GALNT3: variants seen among roughly 807,000 people sequenced by gnomAD.
GALNT3 encodes the protein polypeptide N-acetylgalactosaminyltransferase 3, also known as GalNAc transferase 3.
In GALNT3, 51 loss-of-function variants were observed where a neutral mutation model predicts 69.8. The observed-to-expected ratio is 0.73, with a 90% CI of 0.58 to 0.92. The LOEUF is 0.92. Ranked by LOEUF, GALNT3 falls within the 40% of genes least tolerant of loss-of-function variation. The pLI is 0.00. For synonymous variants in GALNT3, 265 were observed against 248.5 expected, an observed-to-expected ratio of 1.07 and a Z score of -0.63; for missense variants, 711 against 760.0, an observed-to-expected ratio of 0.94 and a Z score of 0.76.
intron 1 of GALNT3, among the ~76,000 whole-genome samples, chr2:165,782,479 C>T (rs1683130186): frequency 6.6e-6 from 1 of 152,056 alleles, no homozygotes; most frequent in African/African-American, 2.4e-5. Flanking sequence ...TCGCATGTGG[C>T]CCATGGGCCA....
intron 1 of GALNT3, among the ~76,000 whole-genome samples, chr2:165,780,042 G>A (rs957327427): frequency 2.6e-5 from 4 of 152,082 alleles, no homozygotes; most frequent in Non-Finnish European, 5.9e-5. Flanking sequence ...TCCCCGCAGG[G>A]GCTCAATGCT....
intron 9 of GALNT3, among the ~76,000 whole-genome samples, chr2:165,751,328 C>A (rs1378138552): frequency 2.0e-5 from 3 of 152,062 alleles, no homozygotes; most frequent in African/African-American, 7.2e-5. Context: ...TCTTGAGTTT[C>A]CCTACTCTTA....
rs1053279826 is a variant in GALNT3 at position 165,762,050 on chromosome 2, G to A, written c.693C>T (p.Tyr231=). The A allele has an allele frequency of 6.5e-7, 1 of 1,546,358 alleles. No homozygotes were observed. The highest frequency in any genetic ancestry group is 8.9e-7 in the Non-Finnish European group (1 of 1,119,304). ...CATATTCATCTAGTTTATCATGTAAGTACTCTGTAAGGAAAAAAAATCAGG... is the reference window on the plus strand; with the variant it reads ...CATATTCATCTAGTTTATCATGTAAATACTCTGTAAGGAAAAAAAATCAGG... The part of the protein sequence containing the change: ...ILVDDASVDE[Y]LHDKLDEYVK... The change falls in exon 4 of 11, where the codon TAC becomes TAT. Residue 231 remains tyrosine (Y), a synonymous_variant. Transcript: ENST00000392701.
intron 10 of GALNT3, among the ~76,000 whole-genome samples, chr2:165,749,310 C>T (rs1302486122): frequency 6.6e-6 from 1 of 151,984 alleles, no homozygotes; most frequent in Non-Finnish European, 1.5e-5. Context: ...ACAGAAGAGA[C>T]CTGTTATGTA....
chr2:165,782,268 G>A (rs1028283437), intron 1 of GALNT3, among the ~76,000 whole-genome samples: 7 of 151,994 alleles, frequency 4.6e-5, no homozygotes, highest in Admixed American at 1.3e-4. Flanking sequence ...TCTCTCTATG[G>A]GTTAGCAGGG....
intron 1 of GALNT3, among the ~76,000 whole-genome samples, chr2:165,792,529 T>C (rs1683375094): frequency 6.6e-6 from 1 of 152,194 alleles, no homozygotes; most frequent in East Asian, 1.9e-4. Flanking sequence ...TGGTTGGCTT[T>C]TAGATTTCCA....
chr2:165,777,271 A>G (rs1682980289), intron 1 of GALNT3, among the ~76,000 whole-genome samples: 1 of 152,172 alleles, frequency 6.6e-6, no homozygotes, highest in African/African-American at 2.4e-5. Context: ...AGTTAGGGGT[A>G]ACCACACTAA....
At chr2:165,751,865 CAG>C (rs1688363086) in intron 9 of GALNT3, among the ~76,000 whole-genome samples, 1 of 151,978 alleles carries the variant, frequency 6.6e-6, no homozygotes, top group Non-Finnish European at 1.5e-5. Flanking sequence ...TTTTAGCACT[CAG>C]GGAACTAAAA....
chr2:165,763,104 A>C (rs1001443190), intron 3 of GALNT3, among the ~76,000 whole-genome samples: 5 of 151,854 alleles, frequency 3.3e-5, no homozygotes, highest in African/African-American at 1.2e-4. Context: ...CCAGCTGTTC[A>C]TATTCTGAAA....
intron 9 of GALNT3, among the ~76,000 whole-genome samples, chr2:165,754,222 TG>T (rs1688403307): frequency 6.6e-6 from 1 of 151,776 alleles, no homozygotes; most frequent in African/African-American, 2.4e-5. Context: ...CCCAAGTAGC[TG>T]GGAACACAGG....
chr2:165,765,482 T>C (rs1323630580), intron 2 of GALNT3, among the ~76,000 whole-genome samples: 2 of 148,754 alleles, frequency 1.3e-5, no homozygotes, highest in Admixed American at 6.8e-5. Context: ...CTTTAAAAAT[T>C]GTACCACTTT....
intron 2 of GALNT3, among the ~76,000 whole-genome samples, chr2:165,766,555 G>C (rs1688646040): frequency 8.4e-6 from 1 of 118,876 alleles, no homozygotes; most frequent in South Asian, 2.7e-4. Context: ...GAACATATAG[G>C]AGAGGGCTTC....
Position 165,757,040 on chromosome 2 carries a change from AACTT to A in GALNT3, c.1392+3_1392+6del. 1 of 1,602,374 alleles carries A rather than the reference AACTT, an allele frequency of 6.2e-7. No individual in the cohort carries two copies. The highest frequency in any genetic ancestry group is 8.5e-7 in the Non-Finnish European group (1 of 1,169,642). On this transcript the variant is annotated splice_donor_5th_base_variant and intron_variant, in intron 7 of 10. Coordinates refer to ENST00000392701, the MANE Select transcript of GALNT3 (RefSeq NM_004482.4). ...TATTGCAATTTAACTACTTAGCTTT[AACTT>A]ACTTGTTTAACAATTTTTGCTGCAT...
At chr2:165,781,171 T>C (rs1403783472) in intron 1 of GALNT3, among the ~76,000 whole-genome samples, 1 of 152,164 alleles carries the variant, frequency 6.6e-6, no homozygotes, top group Non-Finnish European at 1.5e-5. Flanking sequence ...AGTGGTAGCA[T>C]AGCCTGTACT....
chr2:165,755,154 A>G, intron 7 of GALNT3, 91 bp from the exon 8 acceptor site: 1 of 1,229,900 alleles, frequency 8.1e-7, no homozygotes. Context: ...CTATTTAGGT[A>G]TTTTTAAAAA....
chr2:165,758,547 T>C (rs1401852845), intron 6 of GALNT3, 200 bp downstream of exon 6: 1 of 464,520 alleles, frequency 2.2e-6, no homozygotes, highest in East Asian at 3.8e-5. Context: ...TGATTCCTCT[T>C]GTTACACTGG....
At chr2:165,786,576 T>C (rs1420740130) in intron 1 of GALNT3, among the ~76,000 whole-genome samples, 1 of 152,236 alleles carries the variant, frequency 6.6e-6, no homozygotes, top group Non-Finnish European at 1.5e-5. Context: ...AAATATTGTG[T>C]AAATAGTTGT....
chr2:165,780,608 T>G (rs531945169), intron 1 of GALNT3, among the ~76,000 whole-genome samples: 59 of 152,314 alleles, frequency 3.9e-4, no homozygotes, highest in African/African-American at 1.4e-3. Flanking sequence ...ACTAGTGTTT[T>G]GTTCAGATTC....
intron 9 of GALNT3, among the ~76,000 whole-genome samples, chr2:165,750,990 A>G (rs1688348244): frequency 6.6e-6 from 1 of 152,074 alleles, no homozygotes; most frequent in South Asian, 2.1e-4. Flanking sequence ...CAAAATTACA[A>G]TCTTTTCAAG....
Sources: allele counts gnomAD v4.1 joint callset (sites outside exome capture counted in the v4.1 genomes callset), GRCh38; gene constraint gnomAD v4.1.1; transcripts MANE v1.5; gene names NCBI Gene and HGNC (gene_info 2026-07-23, HGNC 2026-07-21).